Variants in CTNNA3 observed in about 807,000 individuals in gnomAD.
CTNNA3 encodes catenin alpha-3.
Under a neutral mutation model 95.7 loss-of-function variants are expected in CTNNA3, and 76 were observed. The observed-to-expected ratio is 0.79, with a 90% confidence interval of 0.66 to 0.96. The LOEUF (loss-of-function observed/expected upper bound fraction) is 0.96. Ranked by LOEUF, CTNNA3 falls within the 40% of genes least tolerant of loss-of-function variation. The pLI is 0.00. For missense variants in CTNNA3, 1,191 were observed against 1,089.8 expected (o/e 1.09, Z -1.31); for synonymous variants, 431 against 374.4 (o/e 1.15, Z -1.74).
At chr10:66,929,403 T>C (rs1325715157) in intron 7 of CTNNA3, among the ~76,000 whole-genome samples, 1 of 152,204 alleles carries the variant, frequency 6.6e-6, no homozygotes, top group Non-Finnish European at 1.5e-5. Context: ...CTAATGTAGT[T>C]AGTAGAATCC....
At chr10:67,440,639 A>G (rs1399040962) in intron 5 of CTNNA3, among the ~76,000 whole-genome samples, 2 of 152,104 alleles carry the variant, frequency 1.3e-5, no homozygotes, top group Admixed American at 6.6e-5. Flanking sequence ...GCACAGAGAG[A>G]GAAGGTCCAT....
chr10:67,431,891 A>C (rs1002621703), intron 5 of CTNNA3, among the ~76,000 whole-genome samples: 1 of 152,002 alleles, frequency 6.6e-6, no homozygotes, highest in African/African-American at 2.4e-5. Context: ...TCATTCCCCA[A>C]AACATGTTTC....
At chr10:66,711,401 T>C (rs928898885) in intron 9 of CTNNA3, among the ~76,000 whole-genome samples, 1 of 152,044 alleles carries the variant, frequency 6.6e-6, no homozygotes, top group African/African-American at 2.4e-5. Flanking sequence ...ATTTAAGTAC[T>C]TGAACTCTCT....
At chr10:66,838,424 T>C (rs138460348) in intron 7 of CTNNA3, among the ~76,000 whole-genome samples, 2 of 152,294 alleles carry the variant, frequency 1.3e-5, no homozygotes, top group Non-Finnish European at 2.9e-5. Flanking sequence ...GCTAATTCTT[T>C]AAGAAAACTA....
chr10:67,687,311 T>C (rs1306543585), intron 1 of CTNNA3, among the ~76,000 whole-genome samples: 1 of 152,182 alleles, frequency 6.6e-6, no homozygotes, highest in Non-Finnish European at 1.5e-5. Context: ...CAGAGAACCA[T>C]TGTACTCTGG....
intron 16 of CTNNA3, among the ~76,000 whole-genome samples, chr10:65,986,296 A>G (rs1288009945): frequency 7.1e-6 from 1 of 140,696 alleles, no homozygotes; most frequent in Admixed American, 7.5e-5. Context: ...AAATATATAT[A>G]CAAAAAAAAG....
intron 12 of CTNNA3, among the ~76,000 whole-genome samples, chr10:66,318,685 A>T (rs565815128): frequency 2.6e-5 from 4 of 152,076 alleles, no homozygotes; most frequent in Non-Finnish European, 2.9e-5. Flanking sequence ...CCATGCTTAG[A>T]TGAAACTGAT....
Position 65,921,884 on chromosome 10 carries a change from T to C in CTNNA3, c.2401-1267A>G, listed in dbSNP as rs539309387. ...AAAAGCAATTTTTGAAAGACAAATG[T>C]CAAGAGTTTGGTTCCAAGTGTCAGA... On this transcript the variant is annotated intron_variant, in intron 17 of 17. Transcript: ENST00000433211. 2.2e-3 allele frequency among the ~76,000 whole-genome samples: 336 copies of C among 152,334 alleles called. 1 individual carries two copies. Among genetic ancestry groups the C allele is most frequent in the Non-Finnish European group, 3.9e-3 (267 of 68,034 alleles).
intron 13 of CTNNA3, among the ~76,000 whole-genome samples, chr10:66,108,574 T>C (rs980886273): frequency 6.6e-6 from 1 of 152,172 alleles, no homozygotes; most frequent in Non-Finnish European, 1.5e-5. Context: ...TTTTTCATGA[T>C]TTTCACCTAA....
intron 17 of CTNNA3, among the ~76,000 whole-genome samples, chr10:65,925,409 G>A (rs2077154542): frequency 2.0e-5 from 3 of 151,918 alleles, no homozygotes; most frequent in Non-Finnish European, 1.5e-5. Flanking sequence ...TGCAGACTTT[G>A]CACATTTAAT....
At chr10:67,411,629 T>C (rs2132840543) in intron 5 of CTNNA3, among the ~76,000 whole-genome samples, 1 of 152,272 alleles carries the variant, frequency 6.6e-6, no homozygotes, top group South Asian at 2.1e-4. Flanking sequence ...CAATGCACAG[T>C]TTTCTGCCTT....
At chr10:65,968,300 C>T (rs1420218081) in intron 16 of CTNNA3, among the ~76,000 whole-genome samples, 3 of 151,818 alleles carry the variant, frequency 2.0e-5, no homozygotes, top group South Asian at 2.1e-4. Context: ...TGCCTGAGCC[C>T]GAGAAGTTAA....
At chr10:66,054,333 T>C (rs2080029072) in intron 15 of CTNNA3, among the ~76,000 whole-genome samples, 1 of 152,160 alleles carries the variant, frequency 6.6e-6, no homozygotes, top group South Asian at 2.1e-4. Context: ...CACTAATTTG[T>C]ATTCACGCCA....
At chr10:66,090,353 T>G (rs931595740) in intron 14 of CTNNA3, among the ~76,000 whole-genome samples, 1 of 152,132 alleles carries the variant, frequency 6.6e-6, no homozygotes, top group South Asian at 2.1e-4. Context: ...ATGTCATAAA[T>G]GTGAATCCAC....
intron 13 of CTNNA3, among the ~76,000 whole-genome samples, chr10:66,248,510 T>C (rs534051534): frequency 6.6e-6 from 1 of 151,838 alleles, no homozygotes; most frequent in Non-Finnish European, 1.5e-5. Context: ...ATACTTCCCC[T>C]ATAAAGATAA....
chr10:67,417,687 TTTAAATCCAATTTAAATTGGA>T (rs1250829981), intron 5 of CTNNA3, among the ~76,000 whole-genome samples: 21 of 151,694 alleles, frequency 1.4e-4, no homozygotes, highest in South Asian at 2.1e-4. Flanking sequence ...TTTAAATTGG[TTTAAATCCAATTTAAATTGGA>T]TTAAATCCAG....
chr10:67,105,405 T>A (rs529443520), intron 7 of CTNNA3, among the ~76,000 whole-genome samples: 1 of 152,248 alleles, frequency 6.6e-6, no homozygotes, highest in South Asian at 2.1e-4. Context: ...AAATTTGAAA[T>A]AGTCCAAAAC....
chr10:67,736,080 G>A (rs762285510), intron 1 of CTNNA3, among the ~76,000 whole-genome samples: 5 of 152,064 alleles, frequency 3.3e-5, no homozygotes, highest in African/African-American at 4.8e-5. Flanking sequence ...ACAAAATGTG[G>A]TATATACATA....
chr10:66,157,433 A>G (rs571756845), intron 13 of CTNNA3, among the ~76,000 whole-genome samples: 4 of 151,218 alleles, frequency 2.6e-5, no homozygotes, highest in Non-Finnish European at 5.9e-5. Context: ...AGGTAGGTAG[A>G]TAGATAGATA....
Sources: gnomAD v4.1 joint callset for allele counts (sites outside exome capture counted in the v4.1 genomes callset) on GRCh38, gnomAD v4.1.1 for gene constraint, MANE v1.5 for transcripts, NCBI Gene and HGNC (gene_info 2026-07-23, HGNC 2026-07-21) for gene names.